Variants in PCDHGB1 observed in about 807,000 individuals in gnomAD.
PCDHGB1 encodes the protein protocadherin gamma subfamily B, 1, also known as protocadherin gamma-B1.
Under a neutral mutation model 56.6 loss-of-function variants are expected in PCDHGB1, and 34 were observed. The ratio of observed to expected loss-of-function variants is 0.60; its 90% CI spans 0.46 to 0.80. The LOEUF is 0.80. PCDHGB1 is among the 30% of genes least tolerant of loss of function. PCDHGB1 has a pLI of 0.00. For synonymous variants in PCDHGB1, 561 were observed against 505.9 expected (o/e 1.11, Z -1.46); for missense variants, 1,278 against 1,204.6 (o/e 1.06, Z -0.90).
Position 141,491,034 on chromosome 5 carries a change from T to C in PCDHGB1, c.2410-3773T>C, listed in dbSNP as rs375902824. On this transcript the variant is annotated intron_variant, in intron 1 of 3. Coordinates refer to ENST00000523390, the MANE Select transcript of PCDHGB1 (RefSeq NM_018922.3). The surrounding 1 kb of genome is among the most constrained non-coding windows in gnomAD (Gnocchi z 6.9). The stretch of plus-strand genomic sequence containing the variant: ...CCAAGGTGACAGCCGTGGATGCTGA[T>C]GCAGGCCACAATGCGTGGCTCTCCT... 19 of 1,614,170 alleles carry C rather than the reference T, an allele frequency of 1.2e-5. No homozygotes were observed. Among genetic ancestry groups the C allele is most frequent in the East Asian group, 4.5e-5 (2 of 44,894 alleles).
intron 1 of PCDHGB1, among the ~76,000 whole-genome samples, chr5:141,457,015 A>T (rs1216403373): frequency 6.6e-6 from 1 of 152,182 alleles, no homozygotes; most frequent in Admixed American, 6.5e-5. Context: ...AATCCAATAA[A>T]AAGTCCTAGT....
At chr5:141,387,156 A>C (rs1173690148) in intron 1 of PCDHGB1, among the ~76,000 whole-genome samples, 1 of 152,232 alleles carries the variant, frequency 6.6e-6, no homozygotes, top group Non-Finnish European at 1.5e-5. Flanking sequence ...GTGTATTTGA[A>C]GATAAGTATA....
At chr5:141,384,723 G>A (rs1780414266) in intron 1 of PCDHGB1, 1 of 1,614,142 alleles carries the variant, frequency 6.2e-7, no homozygotes, top group Non-Finnish European at 8.5e-7. Flanking sequence ...CATACCTCCT[G>A]CTTAAGGCCA....
intron 1 of PCDHGB1, chr5:141,404,795 G>A (rs769293241): frequency 5.0e-6 from 8 of 1,613,924 alleles, no homozygotes; most frequent in Admixed American, 1.7e-5. Flanking sequence ...CAGTGAGCCA[G>A]GGCTCTTCTC....
intron 3 of PCDHGB1, among the ~76,000 whole-genome samples, chr5:141,506,879 G>T (rs958969109): frequency 6.6e-6 from 1 of 152,172 alleles, no homozygotes; most frequent in Non-Finnish European, 1.5e-5. Flanking sequence ...AGAACCAGGT[G>T]AAATCACAAG....
chr5:141,464,519 A>G (rs974292961), intron 1 of PCDHGB1, among the ~76,000 whole-genome samples: 21 of 152,058 alleles, frequency 1.4e-4, no homozygotes, highest in African/African-American at 4.1e-4. Context: ...AGGTAAAGGC[A>G]TATGTAGTTT....
intron 1 of PCDHGB1, chr5:141,395,295 T>G: frequency 1.3e-6 from 2 of 1,525,988 alleles, no homozygotes; most frequent in Middle Eastern, 1.8e-4. Flanking sequence ...TGGCATAAAT[T>G]ATGTTTTGAA....
At chr5:141,465,266 C>G (rs2099099623) in intron 1 of PCDHGB1, among the ~76,000 whole-genome samples, 1 of 152,096 alleles carries the variant, frequency 6.6e-6, no homozygotes, top group South Asian at 2.1e-4. Flanking sequence ...ATGATACTAG[C>G]CATTTAGTTC....
Position 141,394,738 on chromosome 5 carries a change from T to G in PCDHGB1, c.2409+42069T>G. ...GACAGAGATGCGCTCAAGCAGAGCCTCGTGGTGGCCGTCCAGGACCATGGC... is the reference window on the plus strand; with the variant it reads ...GACAGAGATGCGCTCAAGCAGAGCCGCGTGGTGGCCGTCCAGGACCATGGC... On this transcript the variant is annotated intron_variant, in intron 1 of 3. Coordinates refer to ENST00000523390, the MANE Select transcript of PCDHGB1 (RefSeq NM_018922.3). 3 of 1,613,412 alleles carry G rather than the reference T, an allele frequency of 1.9e-6. No homozygotes were observed. The African/African-American group carries it at 4.0e-5, about 21-fold the overall frequency.
intron 1 of PCDHGB1, among the ~76,000 whole-genome samples, chr5:141,407,092 T>C (rs917246877): frequency 1.3e-5 from 2 of 152,360 alleles, no homozygotes; most frequent in Admixed American, 6.5e-5. Context: ...AGAATTGTTT[T>C]ATTTGTTTGT....
Position 141,422,468 on chromosome 5 carries a change from A to T in PCDHGB1, c.2409+69799A>T, listed in dbSNP as rs555211298. On this transcript the variant is annotated intron_variant, in intron 1 of 3. Transcript: ENST00000523390. ...ATAACAAGCAGAGTGCTGGACAGGG[A>T]GTTGGTCCAGAGCTACAATATAACG... 59 of 1,613,640 alleles carry T rather than the reference A, an allele frequency of 3.7e-5. No homozygotes were observed. In the South Asian group the frequency reaches 4.7e-4, roughly 13 times the overall value.
At chr5:141,498,971 G>GGGAGGGAAGGAAGGAAGGAA (rs2099787588) in intron 2 of PCDHGB1, among the ~76,000 whole-genome samples, 11 of 111,048 alleles carry the variant, frequency 9.9e-5, no homozygotes, top group African/African-American at 3.2e-4. Context: ...GAGGGAGGGA[G>GGGAGGGAAGGAAGGAAGGAA]GGAAGGAAGG....
intron 1 of PCDHGB1, chr5:141,361,431 C>A: frequency 4.3e-6 from 7 of 1,614,054 alleles, no homozygotes; most frequent in Non-Finnish European, 5.9e-6. Context: ...AGCCGCCCCT[C>A]TCCTCCAGCA....
rs1758728622 is a variant in PCDHGB1 at position 141,351,471 on chromosome 5, G to T, written c.1211G>T (p.Gly404Val). The stretch of plus-strand genomic sequence containing the variant: ...AATTATTACAAGCTGGTGATTGCTG[G>T]AGCCCTAAACCGGGAGCAGACAGCA... ...SKNYYKLVIA[G>V]ALNREQTADY... The change falls in exon 1 of 4, where the codon GGA becomes GTA. Residue 404 changes from glycine (G) to valine (V), a missense_variant. Transcript: ENST00000523390. 1 of 1,613,760 alleles carries T rather than the reference G, an allele frequency of 6.2e-7. No homozygotes were observed.
At chr5:141,361,200 C>T (rs1235032205) in intron 1 of PCDHGB1, 1 of 1,613,940 alleles carries the variant, frequency 6.2e-7, no homozygotes. Flanking sequence ...TATCTACTCC[C>T]CTACCGGAGG....
chr5:141,432,991 C>T lies in PCDHGB1; in HGVS notation c.2410-61816C>T. ...CGGCGTCGCACTTTGTGGGCGTGGA[C>T]GGGGTGCAGGCTTTCCTGCAGACCT... is the stretch of plus-strand genomic sequence containing the variant. On this transcript the variant is annotated intron_variant, in intron 1 of 3. Coordinates refer to ENST00000523390, the MANE Select transcript of PCDHGB1 (RefSeq NM_018922.3). This position sits in a 1 kb window ranked among gnomAD's most constrained non-coding sequence, Gnocchi z 6.0. 6.2e-7 allele frequency: 1 copy of T among 1,614,200 alleles called. No individual in the cohort carries two copies. The highest frequency in any genetic ancestry group is 8.5e-7 in the Non-Finnish European group (1 of 1,180,030).
chr5:141,361,425 G>A (rs1318279752), intron 1 of PCDHGB1: 1 of 1,614,000 alleles, frequency 6.2e-7, no homozygotes, highest in Admixed American at 1.7e-5. Flanking sequence ...GGGGCAAGCC[G>A]CCCCTCTCCT....
chr5:141,417,414 A>G (rs1255289735), intron 1 of PCDHGB1: 1 of 157,986 alleles, frequency 6.3e-6, no homozygotes, highest in Non-Finnish European at 1.4e-5. Flanking sequence ...TTCAAGATAT[A>G]TGTAAATTCA....
intron 1 of PCDHGB1, chr5:141,378,561 A>C (rs1775013664): frequency 6.6e-6 from 1 of 152,238 alleles, no homozygotes. Context: ...AAGAGTGAAC[A>C]TGAATTTTAA....
Sources: allele counts gnomAD v4.1 joint callset (sites outside exome capture counted in the v4.1 genomes callset), GRCh38; gene constraint gnomAD v4.1.1; non-coding constraint Gnocchi (gnomAD v3.1); transcripts MANE v1.5; gene names NCBI Gene and HGNC (gene_info 2026-07-23, HGNC 2026-07-21).